NRG3: variants seen among roughly 807,000 people sequenced by gnomAD.
NRG3 encodes pro-neuregulin-3, membrane-bound isoform.
Under a neutral mutation model 66.9 loss-of-function variants are expected in NRG3, and 31 were observed. The ratio of observed to expected loss-of-function variants is 0.46; its 90% confidence interval spans 0.35 to 0.63. The LOEUF is 0.63. Among genes scored for constraint, NRG3 ranks in the 20% least tolerant of loss-of-function variants. The pLI, the probability that NRG3 is intolerant of heterozygous loss-of-function variation, is 0.00. For synonymous variants in NRG3, 393 were observed against 359.4 expected, an observed-to-expected ratio of 1.09 and a Z score of -1.06; for missense variants, 910 against 878.9, an observed-to-expected ratio of 1.04 and a Z score of -0.45.
At chr10:82,663,619 G>A (rs1000006371) in intron 2 of NRG3, among the ~76,000 whole-genome samples, 2 of 152,192 alleles carry the variant, frequency 1.3e-5, no homozygotes, top group Non-Finnish European at 1.5e-5. Context: ...TGAGCTCAGC[G>A]AGAACTTCAA....
At chr10:82,101,205 A>T (rs1462857462) in intron 1 of NRG3, among the ~76,000 whole-genome samples, 1 of 151,788 alleles carries the variant, frequency 6.6e-6, no homozygotes, top group East Asian at 1.9e-4. Flanking sequence ...TATTTGTGAT[A>T]ACTCTCTTTG....
At chr10:82,850,270 G>C (rs2063499944) in intron 3 of NRG3, among the ~76,000 whole-genome samples, 1 of 152,154 alleles carries the variant, frequency 6.6e-6, no homozygotes, top group African/African-American at 2.4e-5. Context: ...TAGCCATGCA[G>C]TCATCCAGAG....
intron 3 of NRG3, among the ~76,000 whole-genome samples, chr10:82,819,797 T>C (rs2061866915): frequency 6.6e-6 from 1 of 152,180 alleles, no homozygotes. Context: ...TGCTTTGGCA[T>C]CCAGTACAAT....
intron 3 of NRG3, among the ~76,000 whole-genome samples, chr10:82,772,177 C>T (rs575536791): frequency 1.3e-5 from 2 of 152,066 alleles, no homozygotes; most frequent in Admixed American, 6.6e-5. Context: ...AGGTTTATAA[C>T]GTGATGTTAT....
At chr10:82,893,326 ATAT>A (rs1408641224) in intron 4 of NRG3, among the ~76,000 whole-genome samples, 2 of 152,230 alleles carry the variant, frequency 1.3e-5, no homozygotes, top group African/African-American at 2.4e-5. Flanking sequence ...ATAATCAGGG[ATAT>A]TAACATATTT....
At chr10:81,989,342 T>C (rs1318647125) in intron 1 of NRG3, among the ~76,000 whole-genome samples, 1 of 152,010 alleles carries the variant, frequency 6.6e-6, no homozygotes, top group African/African-American at 2.4e-5. Flanking sequence ...AGACATCTAG[T>C]ATAAGATCAC....
intron 3 of NRG3, among the ~76,000 whole-genome samples, chr10:82,865,050 C>T (rs531468847): frequency 5.9e-5 from 9 of 152,258 alleles, no homozygotes; most frequent in Non-Finnish European, 7.4e-5. Flanking sequence ...AGTTATTCCA[C>T]ATAAAATATT....
intron 2 of NRG3, among the ~76,000 whole-genome samples, chr10:82,378,089 A>T (rs936380007): frequency 1.3e-5 from 2 of 152,230 alleles, no homozygotes; most frequent in South Asian, 4.1e-4. Context: ...AATTATTTAT[A>T]CAGGATTGTT....
At chr10:82,161,005 G>A (rs1304039112) in intron 1 of NRG3, among the ~76,000 whole-genome samples, 12 of 152,024 alleles carry the variant, frequency 7.9e-5, no homozygotes, top group Admixed American at 6.6e-4. Flanking sequence ...GAGGTTAGAC[G>A]TTGGTGAAGT....
intron 2 of NRG3, among the ~76,000 whole-genome samples, chr10:82,734,544 C>T (rs527654601): frequency 6.6e-6 from 1 of 152,210 alleles, no homozygotes; most frequent in East Asian, 1.9e-4. Context: ...CTCCTGCCCC[C>T]TCCCCATTCC....
intron 1 of NRG3, among the ~76,000 whole-genome samples, chr10:82,055,474 C>CT (rs2063797169): frequency 1.1e-5 from 1 of 91,664 alleles, no homozygotes; most frequent in Admixed American, 1.2e-4. Context: ...GAGACTCCGT[C>CT]TCAAAAAAAA....
intron 1 of NRG3, among the ~76,000 whole-genome samples, chr10:82,281,235 G>A (rs2079106476): frequency 6.6e-6 from 1 of 152,112 alleles, no homozygotes; most frequent in African/African-American, 2.4e-5. Flanking sequence ...TCTGGGATGA[G>A]GTATGGTCTT....
intron 3 of NRG3, among the ~76,000 whole-genome samples, chr10:82,748,791 A>G (rs955728409): frequency 7.9e-5 from 12 of 151,064 alleles, no homozygotes; most frequent in Non-Finnish European, 1.6e-4. Context: ...AATAAAGTAA[A>G]TAAATAAATA....
chr10:82,906,422 T>A, intron 4 of NRG3, among the ~76,000 whole-genome samples: 1 of 152,318 alleles, frequency 6.6e-6, no homozygotes, highest in Admixed American at 6.5e-5. Context: ...AAAACATTAA[T>A]TTCTATAGGT....
chr10:82,886,301 T>C (rs1842720792), intron 4 of NRG3, among the ~76,000 whole-genome samples: 1 of 152,252 alleles, frequency 6.6e-6, no homozygotes, highest in South Asian at 2.1e-4. Context: ...TACTCATTTA[T>C]CTTTTACAAA....
At chr10:82,300,283 A>G (rs1017862052) in intron 1 of NRG3, among the ~76,000 whole-genome samples, 3 of 152,212 alleles carry the variant, frequency 2.0e-5, no homozygotes, top group African/African-American at 7.2e-5. Flanking sequence ...AGTATGGTGC[A>G]AAAGAATAGC....
chr10:82,008,072 A>G (rs569242643), intron 1 of NRG3, among the ~76,000 whole-genome samples: 3 of 152,340 alleles, frequency 2.0e-5, no homozygotes, highest in East Asian at 1.9e-4. Flanking sequence ...GGGGCATTCC[A>G]TGATGAATAA....
intron 2 of NRG3, among the ~76,000 whole-genome samples, chr10:82,627,779 C>T (rs2049529456): frequency 6.6e-6 from 1 of 152,152 alleles, no homozygotes; most frequent in Non-Finnish European, 1.5e-5. Context: ...TAAAAACTCA[C>T]TTCTAGGTTA....
intron 2 of NRG3, among the ~76,000 whole-genome samples, chr10:82,467,433 A>G (rs1482204575): frequency 6.6e-6 from 1 of 152,176 alleles, no homozygotes; most frequent in African/African-American, 2.4e-5. Flanking sequence ...CAGGGAAACA[A>G]GTAAAAATGG....
Sources: gnomAD v4.1 joint callset for allele counts (sites outside exome capture counted in the v4.1 genomes callset) on GRCh38, gnomAD v4.1.1 for gene constraint, MANE v1.5 for transcripts, NCBI Gene and HGNC (gene_info 2026-07-23, HGNC 2026-07-21) for gene names.